The following CD36 variants were observed in gnomAD, a reference collection of about 807,000 sequenced individuals.
CD36 encodes the protein platelet glycoprotein 4.
CD36 carries 119 observed loss-of-function variants against 55.2 expected under a neutral mutation model. The observed-to-expected ratio is 2.15, with a 90% CI of 1.86 to 2.51. The LOEUF is 2.51. Ranked by LOEUF, CD36 falls within the 30% of genes most tolerant of loss-of-function variation. CD36 has a pLI of 0.00. For synonymous variants in CD36, 186 were observed against 193.6 expected (o/e 0.96, Z 0.33); for missense variants, 819 against 555.5 (o/e 1.47, Z -4.77).
rs778703275 is a variant in CD36, at chr7:80,674,180, A to ATATT, written c.*34_*37dup. 8 of 1,398,470 alleles carry ATATT rather than the reference A, an allele frequency of 5.7e-6. No homozygotes were observed. The South Asian group carries it at 8.2e-5, about 14-fold the overall frequency. The allele number at this position is 1,398,470 out of a possible 1,614,324, so 86.6% of individuals were successfully genotyped here. A position where few individuals can be genotyped will look rare whatever the true frequency, so the allele number is the denominator to read the frequency against. ...TGTACCAAAAAATATTGCTTCAATAATATTAGCTTATATATTACTTGTTTT... is the reference window on the plus strand; with the variant it reads ...TGTACCAAAAAATATTGCTTCAATAATATTTATTAGCTTATATATTACTTGTTTT... On this transcript the variant is annotated intron_variant, in intron 14 of 14. Transcript: ENST00000447544.
At chr7:80,673,491 G>GTATT (rs1445805621) in intron 13 of CD36, 82 bp downstream of exon 13, 15 of 840,590 alleles carry the variant, frequency 1.8e-5, no homozygotes, top group African/African-American at 5.0e-5. Flanking sequence ...AGAATGTATA[G>GTATT]TATTTAAAGC....
chr7:80,609,493 T>G (rs1446684981), intron 1 of CD36, among the ~76,000 whole-genome samples: 1 of 151,518 alleles, frequency 6.6e-6, no homozygotes, highest in Non-Finnish European at 1.5e-5. Context: ...ATTAGAATTG[T>G]CTGTTTATGA....
intron 1 of CD36, among the ~76,000 whole-genome samples, chr7:80,606,590 C>T (rs991441950): frequency 6.6e-6 from 1 of 152,188 alleles, no homozygotes. Flanking sequence ...TGCTACTGTG[C>T]TCAGTCTCTT....
At chr7:80,644,942 T>C (rs1052570307) in intron 1 of CD36, among the ~76,000 whole-genome samples, 1 of 152,072 alleles carries the variant, frequency 6.6e-6, no homozygotes, top group African/African-American at 2.4e-5. Flanking sequence ...AATAAATGTG[T>C]TTTCAAATAC....
Position 80,664,413 on chromosome 7 carries a change from A to C in CD36, c.617A>C (p.Asn206Thr). 6.5e-7 allele frequency: 1 copy of C among 1,536,624 alleles called. No homozygotes were observed. ...TTVGLFYPYN[N>T]TADGVYKVFN... Reference sequence around the variant, plus strand: ...CCCATACATATATTTCAGTACAACAATACTGCAGATGGAGTTTATAAAGTT... The same window carrying C: ...CCCATACATATATTTCAGTACAACACTACTGCAGATGGAGTTTATAAAGTT... The change falls in exon 7 of 15, where the codon AAT becomes ACT. Residue 206 changes from asparagine (N) to threonine (T), a missense_variant. Coordinates refer to ENST00000447544, the MANE Select transcript of CD36 (RefSeq NM_001001548.3).
chr7:80,640,038 C>A (rs1794704337), intron 1 of CD36: 1 of 151,662 alleles, frequency 6.6e-6, no homozygotes, highest in Non-Finnish European at 1.5e-5. Context: ...ACATTTGAAC[C>A]CTGCATGTGT....
chr7:80,668,955 GTAAATTCAA>G (rs1797387605), intron 8 of CD36, among the ~76,000 whole-genome samples: 1 of 152,136 alleles, frequency 6.6e-6, no homozygotes, highest in Admixed American at 6.6e-5. Context: ...GTAGCAAAAA[GTAAATTCAA>G]TAAATGACTT....
rs914512468 is a variant in CD36 at position 80,672,013 on chromosome 7, A to G, written c.1098A>G (p.Glu366=). The G allele has an allele frequency of 1.2e-6, 2 of 1,608,218 alleles. No homozygotes were observed. Among genetic ancestry groups the G allele is most frequent in the Non-Finnish European group, 1.7e-6 (2 of 1,175,546 alleles). ...ATGGATTAAACCCAAATGAAGAAGA[A>G]CATAGGACATACTTGGATATTGAAC... ...PIDGLNPNEE[E]HRTYLDIEPI... is the part of the protein sequence containing the mutation. Residue 366 remains glutamate (E), a synonymous_variant, in exon 11 of 15, where the codon GAA becomes GAG. Transcript: ENST00000447544.
At chr7:80,622,266 G>C (rs1793512564) in intron 1 of CD36, among the ~76,000 whole-genome samples, 1 of 152,216 alleles carries the variant, frequency 6.6e-6, no homozygotes, top group Admixed American at 6.5e-5. Flanking sequence ...AAGAGCTTGG[G>C]AAACGCTGAA....
chr7:80,637,567 G>GT (rs1217682955), upstream of CD36, among the ~76,000 whole-genome samples: 2 of 150,682 alleles, frequency 1.3e-5, no homozygotes, highest in Non-Finnish European at 2.9e-5. Context: ...AGAGTGTTTG[G>GT]GGTTTTTTTT....
chr7:80,634,273 A>G (rs942334527), upstream of CD36, among the ~76,000 whole-genome samples: 1 of 152,070 alleles, frequency 6.6e-6, no homozygotes, highest in Non-Finnish European at 1.5e-5. Context: ...ATGTTATTGT[A>G]TGATCATCTT....
intron 1 of CD36, among the ~76,000 whole-genome samples, chr7:80,612,134 G>C (rs1283035052): frequency 6.6e-6 from 1 of 152,190 alleles, no homozygotes; most frequent in Admixed American, 6.5e-5. Context: ...TGTTACTTCA[G>C]TAATTAAACG....
chr7:80,666,136 A>T (rs1797069805), intron 7 of CD36: 4 of 330,690 alleles, frequency 1.2e-5, no homozygotes, highest in East Asian at 1.4e-4. Flanking sequence ...AAAAAAAAAA[A>T]TTTCCCCTAA....
At chr7:80,637,471 T>C (rs989785058), upstream of CD36, among the ~76,000 whole-genome samples, 1 of 151,978 alleles carries the variant, frequency 6.6e-6, no homozygotes, top group Non-Finnish European at 1.5e-5. Flanking sequence ...AAAAAAGTAA[T>C]AGACTTACAA....
At chr7:80,665,556 A>T (rs1475371301) in intron 7 of CD36, among the ~76,000 whole-genome samples, 2 of 152,108 alleles carry the variant, frequency 1.3e-5, no homozygotes, top group African/African-American at 4.8e-5. Context: ...TTCACTTAAA[A>T]GGAAATCACA....
Position 80,671,964 on chromosome 7 carries a change from G to C in CD36, c.1049G>C (p.Ser350Thr), listed in dbSNP as rs779589356. ...YISLPHFLYA[S>T]PDVSEPIDGL... The stretch of plus-strand genomic sequence containing the variant: ...TCACTTCCTCATTTTCTGTATGCAA[G>C]TCCTGATGTTTCAGAACCTATTGAT... The change falls in exon 11 of 15, where the codon AGT becomes ACT. Residue 350 changes from serine to threonine, a missense_variant. Ser to Thr is a moderately conservative substitution (Grantham distance 58). Transcript: ENST00000447544. 9 of 1,610,758 alleles carry C rather than the reference G, an allele frequency of 5.6e-6. No homozygotes were observed. The highest frequency in any genetic ancestry group is 1.3e-5 in the African/African-American group (1 of 74,930).
chr7:80,648,641 A>T (rs2116440500), intron 3 of CD36, among the ~76,000 whole-genome samples: 1 of 152,206 alleles, frequency 6.6e-6, no homozygotes, highest in South Asian at 2.1e-4. Context: ...GTAAGCTATA[A>T]CCAGGGGAAG....
chr7:80,607,071 G>A (rs987467721), intron 1 of CD36, among the ~76,000 whole-genome samples: 3 of 152,200 alleles, frequency 2.0e-5, no homozygotes, highest in East Asian at 3.9e-4. Flanking sequence ...ATTATTAAGA[G>A]GCAAACAGGA....
chr7:80,664,961 T>C (rs1221995769), intron 7 of CD36, among the ~76,000 whole-genome samples: 1 of 151,936 alleles, frequency 6.6e-6, no homozygotes, highest in Non-Finnish European at 1.5e-5. Flanking sequence ...ATGACCTAAA[T>C]GTGTCTATAA....
Sources: allele counts gnomAD v4.1 joint callset (sites outside exome capture counted in the v4.1 genomes callset), GRCh38; gene constraint gnomAD v4.1.1; transcripts MANE v1.5; gene names NCBI Gene and HGNC (gene_info 2026-07-23, HGNC 2026-07-21).